Variants in CDH19 observed in about 807,000 individuals in gnomAD.
CDH19 encodes cadherin 19.
Under a neutral mutation model 64.2 loss-of-function variants are expected in CDH19, and 67 were observed. The ratio of observed to expected loss-of-function variants is 1.04; its 90% CI spans 0.86 to 1.28. CDH19 has a LOEUF of 1.28. Among genes scored for constraint, CDH19 ranks in the 50% most tolerant of loss-of-function variants. CDH19 has a pLI of 0.00. For missense variants in CDH19, 1,030 were observed against 929.0 expected (o/e 1.11, Z -1.41); for synonymous variants, 346 against 319.3 (o/e 1.08, Z -0.89).
intron 1 of CDH19, among the ~76,000 whole-genome samples, chr18:66,600,937 G>A (rs929019417): frequency 3.3e-5 from 5 of 151,766 alleles, no homozygotes; most frequent in African/African-American, 1.2e-4. Context: ...TCCACCTGAC[G>A]AGTGACATTA....
intron 9 of CDH19, among the ~76,000 whole-genome samples, chr18:66,512,260 A>G (rs867536991): frequency 1.3e-5 from 2 of 151,606 alleles, no homozygotes; most frequent in Admixed American, 6.6e-5. Flanking sequence ...GTTCATCTCT[A>G]TATCTCAGAT....
intron 5 of CDH19, among the ~76,000 whole-genome samples, chr18:66,548,491 A>AAAGAAG (rs59599873): frequency 0.62 from 94,261 of 151,038 alleles, 30,489 homozygotes; most frequent in African/African-American, 0.79. Flanking sequence ...TAAAGTATAC[A>AAAGAAG]AAGAAAAGGC....
chr18:66,525,417 G>C lies in CDH19; in HGVS notation c.1458+4428C>G, dbSNP rs143075591. 7.1e-3 allele frequency among the ~76,000 whole-genome samples: 1,086 copies of C among 152,134 alleles called. 9 individuals carry two copies. Among genetic ancestry groups the C allele is most frequent in the African/African-American group, 0.024 (1,011 of 41,524 alleles). The stretch of plus-strand genomic sequence containing the variant: ...ACATTAATATTTCACTTCTAGGAAG[G>C]AGGAAGAGATTAACAGCACTTTAAA... On this transcript the variant is annotated intron_variant, in intron 9 of 11. Transcript: ENST00000262150.
At position 66,535,135 on chromosome 18, in the gene CDH19, T is replaced by C. The variant is rs370968081; in HGVS notation, c.1215-28A>G. 2.9e-6 allele frequency: 4 copies of C among 1,365,300 alleles called. No homozygotes were observed. The Admixed American group carries it at 6.3e-5, about 22-fold the overall frequency. 84.6% of individuals were successfully genotyped at this position (1,365,300 alleles called of 1,614,324 possible). A position where few individuals can be genotyped will look rare whatever the true frequency, so the allele number is the denominator to read the frequency against. Reference sequence around the variant, plus strand: ...GAACCAAAAGGAAAGTATACCTTAATATTTTTATTCTATCTGCATAACAGT... The same window carrying C: ...GAACCAAAAGGAAAGTATACCTTAACATTTTTATTCTATCTGCATAACAGT... On this transcript the variant is annotated intron_variant, in intron 7 of 11. Transcript: ENST00000262150.
At chr18:66,551,545 T>C (rs9956942) in intron 4 of CDH19, among the ~76,000 whole-genome samples, 6,098 of 152,152 alleles carry the variant, frequency 0.04, 384 homozygotes, top group African/African-American at 0.13. Flanking sequence ...TACTTTAACC[T>C]ATTTTCTGCT....
intron 8 of CDH19, chr18:66,532,802 T>C: frequency 2.3e-6 from 1 of 431,110 alleles, no homozygotes. Flanking sequence ...CATGAAAAGT[T>C]AAGTTGTCCT....
At chr18:66,581,158 A>G (rs1774471735) in intron 1 of CDH19, among the ~76,000 whole-genome samples, 1 of 152,088 alleles carries the variant, frequency 6.6e-6, no homozygotes, top group Admixed American at 6.6e-5. Context: ...GTGTGTTTTT[A>G]TATTTTCTCT....
At chr18:66,527,728 T>C (rs1986278941) in intron 9 of CDH19, among the ~76,000 whole-genome samples, 1 of 151,000 alleles carries the variant, frequency 6.6e-6, no homozygotes, top group Non-Finnish European at 1.5e-5. Flanking sequence ...CACTCCAGCC[T>C]GGGCAACGAG....
chr18:66,596,820 C>T (rs58367515), intron 1 of CDH19, among the ~76,000 whole-genome samples: 4,044 of 151,902 alleles, frequency 0.027, 191 homozygotes, highest in African/African-American at 0.091. Context: ...CGGTGGCTCA[C>T]GCCTGTAGTC....
chr18:66,562,057 T>C (rs892117314), intron 3 of CDH19, among the ~76,000 whole-genome samples: 3 of 152,078 alleles, frequency 2.0e-5, no homozygotes, highest in Non-Finnish European at 4.4e-5. Flanking sequence ...TATTGTAACA[T>C]AGGTCAGTGG....
chr18:66,537,960 A>G (rs752864459), intron 7 of CDH19, among the ~76,000 whole-genome samples: 1 of 152,106 alleles, frequency 6.6e-6, no homozygotes, highest in Non-Finnish European at 1.5e-5. Flanking sequence ...ATTTCAATCC[A>G]GTGTGACACC....
chr18:66,601,744 A>G (rs1179232844), intron 1 of CDH19, among the ~76,000 whole-genome samples: 1 of 151,842 alleles, frequency 6.6e-6, no homozygotes, highest in African/African-American at 2.4e-5. Flanking sequence ...TGAAAAGGAA[A>G]TTGATCTGTT....
In CDH19 at chr18:66,503,345, T is replaced by C. The variant is rs576921680; in HGVS notation, c.*1467A>G. 7 of 151,928 alleles carry C rather than the reference T, an allele frequency of 4.6e-5. No homozygotes were observed. In the East Asian group the frequency reaches 1.2e-3, roughly 25 times the overall value. The allele number at this position is 151,928 out of a possible 1,614,324, so 9.4% of individuals were successfully genotyped here. On this transcript the variant is annotated 3_prime_UTR_variant, in exon 12 of 12. Transcript: ENST00000262150. ...CTATTGCACCTAATTTTATATTCAA[T>C]AATAAAAAAATGACACTGAAGCATC...
Position 66,572,051 on chromosome 18 carries a change from C to G in CDH19, c.154G>C (p.Val52Leu), listed in dbSNP as rs772466653. Residue 52 changes from valine (V) to leucine (L), a missense_variant, in exon 2 of 12, where the codon GTA becomes CTA. By Grantham distance (32) the Val-to-Leu change is conservative (BLOSUM62 1). Coordinates refer to ENST00000262150, the MANE Select transcript of CDH19 (RefSeq NM_021153.4). Reference protein sequence around the residue: ...KRGWVWNQFFVPEEMNTTSHH... With the variant: ...KRGWVWNQFFLPEEMNTTSHH... ...CTAGTCGTATTCATTTCCTCTGGTACAAAAAATTGGTTCCACACCCAGCCA... is the reference window on the plus strand; with the variant it reads ...CTAGTCGTATTCATTTCCTCTGGTAGAAAAAATTGGTTCCACACCCAGCCA... The G allele has an allele frequency of 5.6e-6, 9 of 1,611,156 alleles. No homozygotes were observed. The highest frequency in any genetic ancestry group is 7.6e-6 in the Non-Finnish European group (9 of 1,178,182).
chr18:66,537,750 G>A (rs1457927258), intron 7 of CDH19, among the ~76,000 whole-genome samples: 2 of 152,006 alleles, frequency 1.3e-5, no homozygotes, highest in Non-Finnish European at 2.9e-5. Context: ...TTTGATTGGA[G>A]AGTAGTATTA....
chr18:66,545,995 A>C (rs1336690320), intron 5 of CDH19, among the ~76,000 whole-genome samples: 1 of 152,056 alleles, frequency 6.6e-6, no homozygotes, highest in Non-Finnish European at 1.5e-5. Context: ...CTGATATAGA[A>C]CTATACTATT....
intron 1 of CDH19, among the ~76,000 whole-genome samples, chr18:66,573,294 G>T (rs1449731432): frequency 2.0e-5 from 3 of 151,598 alleles, no homozygotes; most frequent in Non-Finnish European, 4.4e-5. Context: ...TTTTCTACAT[G>T]ATTGTGTTTT....
intron 1 of CDH19, among the ~76,000 whole-genome samples, chr18:66,597,056 T>A (rs1599047134): frequency 9.6e-6 from 1 of 104,600 alleles, no homozygotes; most frequent in African/African-American, 3.8e-5. Flanking sequence ...CACTCCAGCC[T>A]GGGCGACAGA....
At chr18:66,596,616 T>C (rs1050532503) in intron 1 of CDH19, among the ~76,000 whole-genome samples, 1 of 151,946 alleles carries the variant, frequency 6.6e-6, no homozygotes, top group Admixed American at 6.6e-5. Flanking sequence ...TTCTCTATAA[T>C]GAGAGTTACA....
Sources: allele counts gnomAD v4.1 joint callset (sites outside exome capture counted in the v4.1 genomes callset), GRCh38; gene constraint gnomAD v4.1.1; transcripts MANE v1.5; gene names NCBI Gene and HGNC (gene_info 2026-07-23, HGNC 2026-07-21).